Variants in CLVS1 observed in about 807,000 individuals in gnomAD.
The protein encoded by CLVS1 is clavesin 1.
In CLVS1, 10 loss-of-function variants were observed where a neutral mutation model predicts 33.1. The observed-to-expected ratio is 0.30, with a 90% CI of 0.19 to 0.51. The LOEUF is 0.51. Ranked by LOEUF, CLVS1 falls within the 20% of genes least tolerant of loss-of-function variation. The probability of loss-of-function intolerance (pLI) is 0.97; values close to 1 mark genes in which losing one functional copy is unlikely to be tolerated. For synonymous variants in CLVS1, 163 were observed against 166.1 expected (o/e 0.98, Z 0.14); for missense variants, 343 against 433.4 (o/e 0.79, Z 1.85).
At chr8:61,202,970 A>G in intron 2 of CLVS1, 4 of 1,461,790 alleles carry the variant, frequency 2.7e-6, no homozygotes, top group Non-Finnish European at 3.8e-6. Context: ...AAGTCAAATC[A>G]GAATGGAAAA....
At chr8:61,079,847 C>T (rs1029937629) in intron 1 of CLVS1, among the ~76,000 whole-genome samples, 1 of 151,688 alleles carries the variant, frequency 6.6e-6, no homozygotes, top group Admixed American at 6.6e-5. Flanking sequence ...TTCACAGTAT[C>T]GTGAATGTGC....
At chr8:61,060,966 A>G (rs1238262118) in intron 1 of CLVS1, among the ~76,000 whole-genome samples, 2 of 152,150 alleles carry the variant, frequency 1.3e-5, no homozygotes, top group East Asian at 3.8e-4. Flanking sequence ...TCATGGGAGA[A>G]ATAACTTCAC....
At chr8:61,035,184 TTTC>T in the CLVS1 span, among the ~76,000 whole-genome samples, 40 of 87,762 alleles carry the variant, frequency 4.6e-4, no homozygotes, top group Admixed American at 1.7e-3. Context: ...TCTTTTCTTT[TTTC>T]TTTTTTTTTT....
chr8:61,060,107 T>C (rs964223990), intron 1 of CLVS1, among the ~76,000 whole-genome samples: 1 of 152,170 alleles, frequency 6.6e-6, no homozygotes, highest in African/African-American at 2.4e-5. Context: ...AATAATCCTC[T>C]ATCTTTTAAA....
chr8:61,500,213 A>G lies in CLVS1; in HGVS notation c.*671A>G, dbSNP rs1391107617. On this transcript the variant is annotated 3_prime_UTR_variant, in exon 6 of 6. Transcript: ENST00000325897. ...TGTCATGAGCTGACGTTAAAGGAAG[A>G]CACATGGACGTGAAATACGATTATT... 1.4e-4 allele frequency: 21 copies of G among 152,466 alleles called. No individual in the cohort carries two copies. Among genetic ancestry groups the G allele is most frequent in the Admixed American group, 1.4e-3 (21 of 15,280 alleles). 9.4% of individuals were successfully genotyped at this position (152,466 alleles called of 1,614,324 possible).
the CLVS1 span, among the ~76,000 whole-genome samples, chr8:61,033,498 C>T: frequency 1.3e-5 from 2 of 152,158 alleles, no homozygotes; most frequent in Non-Finnish European, 2.9e-5. Flanking sequence ...AGAGAAACAG[C>T]CCCTCACACG....
At chr8:61,011,449 T>TTTAC in the CLVS1 span, among the ~76,000 whole-genome samples, 1 of 152,098 alleles carries the variant, frequency 6.6e-6, no homozygotes, top group Non-Finnish European at 1.5e-5. Context: ...TCTTTATTTA[T>TTTAC]TTATTTATTT....
chr8:61,468,109 T>G (rs916867875), intron 5 of CLVS1, among the ~76,000 whole-genome samples: 21 of 152,316 alleles, frequency 1.4e-4, no homozygotes, highest in African/African-American at 4.8e-4. Context: ...AAATGTGAAA[T>G]TTCTATAAAG....
intron 2 of CLVS1, among the ~76,000 whole-genome samples, chr8:61,201,430 G>C (rs1159614433): frequency 6.6e-6 from 1 of 152,154 alleles, no homozygotes; most frequent in Non-Finnish European, 1.5e-5. Context: ...TACAAATCCA[G>C]TGTCTTTTTG....
At chr8:61,354,426 G>GA (rs577425243) in intron 2 of CLVS1, among the ~76,000 whole-genome samples, 20 of 151,296 alleles carry the variant, frequency 1.3e-4, no homozygotes, top group East Asian at 7.8e-4. Flanking sequence ...TTAAAAAACT[G>GA]AAAAAAAACT....
chr8:61,289,195 G>A (rs2129593665), intron 1 of CLVS1, among the ~76,000 whole-genome samples: 1 of 152,324 alleles, frequency 6.6e-6, no homozygotes, highest in East Asian at 1.9e-4. Flanking sequence ...CAGTAATCAG[G>A]TGATAACACC....
At chr8:61,246,654 A>G (rs569476145) in intron 2 of CLVS1, among the ~76,000 whole-genome samples, 12 of 152,092 alleles carry the variant, frequency 7.9e-5, no homozygotes, top group Non-Finnish European at 1.5e-4. Flanking sequence ...TAGTAGAACA[A>G]TGGCTCTTAG....
chr8:61,011,039 G>A, the CLVS1 span, among the ~76,000 whole-genome samples: 673 of 152,272 alleles, frequency 4.4e-3, 5 homozygotes, highest in African/African-American at 0.015. Flanking sequence ...CGCCTGTCCC[G>A]TCACCGCTGT....
rs1817240420 is a variant in CLVS1, at chr8:61,458,342, C to A, written c.777C>A (p.His259Gln). 1 of 1,613,996 alleles carries A rather than the reference C, an allele frequency of 6.2e-7. No homozygotes were observed. Among genetic ancestry groups the A allele is most frequent in the East Asian group, 2.2e-5 (1 of 44,878 alleles). The stretch of plus-strand genomic sequence containing the variant: ...ATGGAAACAATTTAAACAGCCTTCA[C>A]CAGCTAATACACCCTGAATTTTTGC... ...FLHGNNLNSL[H>Q]QLIHPEFLPS... Residue 259 changes from histidine to glutamine, a missense_variant, in exon 5 of 6, where the codon CAC becomes CAA. Around this residue, in one of 4 missense-constraint regions of CLVS1, gnomAD observed 166 missense variants for 244.0 expected, o/e 0.68. Coordinates refer to ENST00000325897, the MANE Select transcript of CLVS1 (RefSeq NM_173519.3).
chr8:61,414,569 C>T (rs1052481201), intron 3 of CLVS1, among the ~76,000 whole-genome samples: 2 of 152,062 alleles, frequency 1.3e-5, no homozygotes, highest in African/African-American at 4.8e-5. Flanking sequence ...GAGAAATGCC[C>T]TCTGTTTTGG....
intron 3 of CLVS1, among the ~76,000 whole-genome samples, chr8:61,397,618 G>A (rs1213941467): frequency 6.6e-6 from 1 of 152,070 alleles, no homozygotes; most frequent in African/African-American, 2.4e-5. Context: ...GATGATTGAC[G>A]CCTATGTTTT....
chr8:61,271,907 G>A (rs1809447821), intron 2 of CLVS1, among the ~76,000 whole-genome samples: 1 of 151,662 alleles, frequency 6.6e-6, no homozygotes, highest in Admixed American at 6.6e-5. Flanking sequence ...GCCTGTGTGT[G>A]TCTCTGCACG....
chr8:61,297,209 A>G (rs116341830), intron 1 of CLVS1, among the ~76,000 whole-genome samples: 49 of 152,282 alleles, frequency 3.2e-4, no homozygotes, highest in African/African-American at 1.2e-3. Flanking sequence ...TCCTGGGACA[A>G]CTAGATGCTA....
intron 2 of CLVS1, among the ~76,000 whole-genome samples, chr8:61,186,363 C>A (rs920566239): frequency 6.6e-6 from 1 of 152,166 alleles, no homozygotes; most frequent in African/African-American, 2.4e-5. Flanking sequence ...GCAGTTGCAG[C>A]CCCCCTCAAG....
Sources: gnomAD v4.1 joint callset for allele counts (sites outside exome capture counted in the v4.1 genomes callset) on GRCh38, gnomAD v4.1.1 for gene constraint, gnomAD v4.1.1 regional missense constraint, MANE v1.5 for transcripts, NCBI Gene and HGNC (gene_info 2026-07-23, HGNC 2026-07-21) for gene names.